ATRNL1: variants seen among roughly 807,000 people sequenced by gnomAD.
ATRNL1 encodes attractin like 1.
A neutral mutation model predicts 182.7 loss-of-function variants in ATRNL1; 95 were observed. That is an observed-to-expected ratio of 0.52 (90% CI 0.44 to 0.62). The LOEUF is 0.62. ATRNL1 is among the 20% of genes least tolerant of loss of function. The pLI is 0.00. For missense variants in ATRNL1, 1,471 were observed against 1,679.5 expected (o/e 0.88, Z 2.17); for synonymous variants, 576 against 568.3 (o/e 1.01, Z -0.19).
intron 26 of ATRNL1, among the ~76,000 whole-genome samples, chr10:115,642,440 C>CT (rs71303504): frequency 0.56 from 82,849 of 148,766 alleles, 23,552 homozygotes; most frequent in East Asian, 0.95. Flanking sequence ...AATTCTAGTG[C>CT]TTTTTTTTTT....
intron 28 of ATRNL1, among the ~76,000 whole-genome samples, chr10:115,933,562 G>A (rs1232358118): frequency 6.6e-6 from 1 of 152,216 alleles, no homozygotes; most frequent in Non-Finnish European, 1.5e-5. Context: ...ATGAAGAAAG[G>A]CAGCTGCAGT....
chr10:115,184,247 A>G (rs1281521052), intron 8 of ATRNL1, among the ~76,000 whole-genome samples: 3 of 151,538 alleles, frequency 2.0e-5, no homozygotes, highest in African/African-American at 7.2e-5. Context: ...CATAATAAAT[A>G]TGTTTCAATC....
chr10:115,106,363 A>C (rs1844010467), intron 1 of ATRNL1, among the ~76,000 whole-genome samples: 1 of 152,158 alleles, frequency 6.6e-6, no homozygotes, highest in Non-Finnish European at 1.5e-5. Context: ...TCATAAATGG[A>C]AAAAACTTGC....
intron 1 of ATRNL1, among the ~76,000 whole-genome samples, chr10:115,104,610 A>G (rs1054259249): frequency 7.2e-5 from 11 of 152,074 alleles, no homozygotes; most frequent in African/African-American, 2.4e-4. Flanking sequence ...TACTCAAGAA[A>G]TCTTTGCCTA....
chr10:115,289,264 C>G (rs1554920118), intron 15 of ATRNL1, among the ~76,000 whole-genome samples: 1 of 152,198 alleles, frequency 6.6e-6, no homozygotes, highest in Non-Finnish European at 1.5e-5. Context: ...ATCCCTCCCA[C>G]AACACGTGGT....
At chr10:115,105,210 GGTGT>G (rs1554865590) in intron 1 of ATRNL1, among the ~76,000 whole-genome samples, 1 of 151,176 alleles carries the variant, frequency 6.6e-6, no homozygotes, top group Non-Finnish European at 1.5e-5. Flanking sequence ...CATTTTTTTT[GGTGT>G]CTTCTTCAAT....
intron 27 of ATRNL1, among the ~76,000 whole-genome samples, chr10:115,781,593 G>A (rs1949267050): frequency 6.6e-6 from 1 of 152,146 alleles, no homozygotes; most frequent in Non-Finnish European, 1.5e-5. Context: ...CTTATATCAA[G>A]TTCAGTAACA....
intron 28 of ATRNL1, among the ~76,000 whole-genome samples, chr10:115,908,129 C>A (rs953870128): frequency 6.6e-6 from 1 of 152,126 alleles, no homozygotes; most frequent in Non-Finnish European, 1.5e-5. Flanking sequence ...CACATAAGAC[C>A]TCTCAGAACC....
intron 19 of ATRNL1, among the ~76,000 whole-genome samples, chr10:115,390,309 A>T (rs1327398008): frequency 1.3e-5 from 2 of 152,132 alleles, no homozygotes; most frequent in Non-Finnish European, 2.9e-5. Flanking sequence ...GTTTTCTTCT[A>T]CAGTTTTGGG....
At chr10:115,772,911 G>T (rs964267053) in intron 27 of ATRNL1, among the ~76,000 whole-genome samples, 1 of 152,256 alleles carries the variant, frequency 6.6e-6, no homozygotes, top group African/African-American at 2.4e-5. Context: ...GTATAAAAGA[G>T]CATGGAGGGA....
At chr10:115,231,267 G>A (rs1408762314) in intron 9 of ATRNL1, among the ~76,000 whole-genome samples, 1 of 152,042 alleles carries the variant, frequency 6.6e-6, no homozygotes, top group African/African-American at 2.4e-5. Context: ...ATATTTCAAA[G>A]GAAAGAGAAT....
chr10:115,407,913 GAC>G (rs1340556276), intron 20 of ATRNL1, among the ~76,000 whole-genome samples: 1 of 148,396 alleles, frequency 6.7e-6, no homozygotes, highest in Non-Finnish European at 1.5e-5. Context: ...GTCTTAAAAA[GAC>G]ACAGCCATTT....
intron 26 of ATRNL1, among the ~76,000 whole-genome samples, chr10:115,597,222 T>C (rs2769388): frequency 0.48 from 72,389 of 152,028 alleles, 18,705 homozygotes; most frequent in East Asian, 0.84. Flanking sequence ...CAAAATGATT[T>C]GAGGCTCTAG....
At chr10:115,397,921 G>A (rs1844367787) in intron 20 of ATRNL1, among the ~76,000 whole-genome samples, 1 of 151,916 alleles carries the variant, frequency 6.6e-6, no homozygotes, top group African/African-American at 2.4e-5. Context: ...AGAGAGACAA[G>A]AGACTGCAGA....
chr10:115,245,327 C>T lies in ATRNL1; in HGVS notation c.1687+3602C>T, dbSNP rs2256701. Among the ~76,000 whole-genome samples, 1,394 of 151,576 alleles carry T rather than the reference C, an allele frequency of 9.2e-3. 22 individuals are homozygous for T. Among genetic ancestry groups the T allele is most frequent in the African/African-American group, 0.032 (1,327 of 41,324 alleles). ...CAGCCTGACCAACATGGAGAAACCC[C>T]GTCTCTACTAAAAATACAAAAATTA... On this transcript the variant is annotated intron_variant, in intron 10 of 28. Transcript: ENST00000355044.
chr10:115,925,801 C>T (rs1434724097), intron 28 of ATRNL1, among the ~76,000 whole-genome samples: 1 of 152,104 alleles, frequency 6.6e-6, no homozygotes, highest in Non-Finnish European at 1.5e-5. Flanking sequence ...CTTAGACTCC[C>T]ACACAATAAT....
chr10:115,358,696 G>A (rs1856608733), intron 19 of ATRNL1, among the ~76,000 whole-genome samples: 1 of 151,466 alleles, frequency 6.6e-6, no homozygotes, highest in Admixed American at 6.6e-5. Flanking sequence ...TTTTTGAAAG[G>A]TTAAGTCATT....
chr10:115,653,056 A>G (rs926068888), intron 26 of ATRNL1, among the ~76,000 whole-genome samples: 1 of 152,148 alleles, frequency 6.6e-6, no homozygotes, highest in Admixed American at 6.6e-5. Context: ...TGTAAACTAA[A>G]TCAATAGGTA....
chr10:115,639,270 A>T (rs1016040527), intron 26 of ATRNL1, among the ~76,000 whole-genome samples: 1 of 152,212 alleles, frequency 6.6e-6, no homozygotes, highest in Non-Finnish European at 1.5e-5. Context: ...AGAACTTCAA[A>T]CTGTGAATTC....
Sources: allele counts gnomAD v4.1 joint callset (sites outside exome capture counted in the v4.1 genomes callset), GRCh38; gene constraint gnomAD v4.1.1; transcripts MANE v1.5; gene names NCBI Gene and HGNC (gene_info 2026-07-23, HGNC 2026-07-21).